Variants in NMNAT3 observed in about 807,000 individuals in gnomAD.
NMNAT3 encodes the protein nicotinamide/nicotinic acid mononucleotide adenylyltransferase 3.
NMNAT3 carries 21 observed loss-of-function variants against 24.8 expected under a neutral mutation model. The ratio of observed to expected loss-of-function variants is 0.85; its 90% CI spans 0.60 to 1.22. The LOEUF (loss-of-function observed/expected upper bound fraction) is 1.22. Among genes scored for constraint, NMNAT3 ranks in the 50% most tolerant of loss-of-function variants. NMNAT3 has a pLI of 0.00. For synonymous variants in NMNAT3, 136 were observed against 155.2 expected, an observed-to-expected ratio of 0.88 and a Z score of 0.92; for missense variants, 387 against 436.6, an observed-to-expected ratio of 0.89 and a Z score of 1.01.
intron 1 of NMNAT3, among the ~76,000 whole-genome samples, chr3:139,640,140 G>A (rs7634833): frequency 6.6e-6 from 1 of 152,100 alleles, no homozygotes; most frequent in African/African-American, 2.4e-5. Context: ...CATGCATAAG[G>A]GTCCTAGGAA....
chr3:139,577,338 G>T (rs1049325619), intron 5 of NMNAT3, among the ~76,000 whole-genome samples: 4 of 152,148 alleles, frequency 2.6e-5, no homozygotes, highest in African/African-American at 9.7e-5. Context: ...CATAAACCAG[G>T]TGTTTTGCCT....
chr3:139,633,093 C>G (rs951306987), intron 2 of NMNAT3, among the ~76,000 whole-genome samples: 1 of 152,114 alleles, frequency 6.6e-6, no homozygotes, highest in Non-Finnish European at 1.5e-5. Context: ...AATGACTGTC[C>G]CCAGGACCTC....
At chr3:139,677,612 G>C (rs1223380844) in intron 1 of NMNAT3, 93 bp downstream of exon 1, 1 of 152,010 alleles carries the variant, frequency 6.6e-6, no homozygotes, top group Non-Finnish European at 1.5e-5. Flanking sequence ...GGGACTCCCA[G>C]GACTCAGTTA....
intron 3 of NMNAT3, among the ~76,000 whole-genome samples, chr3:139,600,527 C>T (rs745533708): frequency 4.6e-5 from 7 of 151,996 alleles, no homozygotes; most frequent in South Asian, 2.1e-4. Flanking sequence ...AGGCTGGTCT[C>T]GAACTCCTGA....
chr3:139,640,191 G>A (rs1437707828), intron 1 of NMNAT3, among the ~76,000 whole-genome samples: 1 of 152,166 alleles, frequency 6.6e-6, no homozygotes, highest in African/African-American at 2.4e-5. Context: ...AGTATGGGTG[G>A]TGGATTCCAG....
At chr3:139,658,195 A>G (rs557295241) in intron 1 of NMNAT3, among the ~76,000 whole-genome samples, 9 of 152,200 alleles carry the variant, frequency 5.9e-5, no homozygotes, top group Non-Finnish European at 8.8e-5. Context: ...CTCCTTTCCC[A>G]GAGCTCACTG....
At chr3:139,651,775 C>G (rs1244567818) in intron 1 of NMNAT3, among the ~76,000 whole-genome samples, 3 of 152,128 alleles carry the variant, frequency 2.0e-5, no homozygotes, top group Non-Finnish European at 4.4e-5. Flanking sequence ...TAATTACTTC[C>G]CCTACCCTAT....
At chr3:139,630,653 T>G (rs973893783) in intron 2 of NMNAT3, among the ~76,000 whole-genome samples, 12 of 152,174 alleles carry the variant, frequency 7.9e-5, no homozygotes, top group African/African-American at 2.7e-4. Context: ...GGAGGGCATG[T>G]ACTCTGAGCT....
At chr3:139,588,223 C>A (rs111641030) in intron 3 of NMNAT3, among the ~76,000 whole-genome samples, 1 of 152,114 alleles carries the variant, frequency 6.6e-6, no homozygotes, top group South Asian at 2.1e-4. Flanking sequence ...CATTACAGCA[C>A]CTGTATGAAA....
intron 3 of NMNAT3, among the ~76,000 whole-genome samples, chr3:139,597,602 A>G (rs1006710134): frequency 2.6e-5 from 4 of 152,206 alleles, no homozygotes; most frequent in African/African-American, 9.7e-5. Context: ...TGTGCTAGAA[A>G]ATAGCTATGG....
Position 139,560,407 on chromosome 3 carries a change from G to C in NMNAT3, c.*603C>G, listed in dbSNP as rs574667525. On this transcript the variant is annotated 3_prime_UTR_variant, in exon 7 of 7. Coordinates refer to ENST00000643695, the MANE Select transcript of NMNAT3 (RefSeq NM_001320510.2). Reference sequence around the variant, plus strand: ...TTGCTTGAGGATCACTACGTAGAAAGAGTTTTGTTTAAATTTTATGAAAAG... The same window carrying C: ...TTGCTTGAGGATCACTACGTAGAAACAGTTTTGTTTAAATTTTATGAAAAG... 1 of 152,790 alleles carries C rather than the reference G, an allele frequency of 6.5e-6. No homozygotes were observed. Among genetic ancestry groups the C allele is most frequent in the Admixed American group, 6.5e-5 (1 of 15,314 alleles). The allele number at this position is 152,790 out of a possible 1,614,324, so 9.5% of individuals were successfully genotyped here. A position where few individuals can be genotyped will look rare whatever the true frequency, so the allele number is the denominator to read the frequency against.
chr3:139,635,886 T>G (rs775330568), intron 2 of NMNAT3: 11 of 152,224 alleles, frequency 7.2e-5, no homozygotes, highest in Non-Finnish European at 1.2e-4. Flanking sequence ...ATAGAAGTGT[T>G]AGGTCAGGCA....
intron 5 of NMNAT3, chr3:139,575,922 C>G (rs1939232090): frequency 7.8e-7 from 1 of 1,287,516 alleles, no homozygotes; most frequent in Admixed American, 2.3e-5. Flanking sequence ...CAGAGCTCCA[C>G]AGATGGGAGC....
chr3:139,675,399 C>T (rs1009328326), intron 1 of NMNAT3, among the ~76,000 whole-genome samples: 5 of 152,032 alleles, frequency 3.3e-5, no homozygotes, highest in African/African-American at 1.2e-4. Flanking sequence ...ACTCAGCCAT[C>T]AGTTAGAGAC....
chr3:139,624,829 T>C (rs1199868309), intron 3 of NMNAT3, among the ~76,000 whole-genome samples: 3 of 152,222 alleles, frequency 2.0e-5, no homozygotes, highest in South Asian at 2.1e-4. Flanking sequence ...TATTCTGTGA[T>C]GTAGGATGCA....
At chr3:139,562,070 C>T (rs1267995237) in intron 6 of NMNAT3, among the ~76,000 whole-genome samples, 1 of 152,124 alleles carries the variant, frequency 6.6e-6, no homozygotes, top group Non-Finnish European at 1.5e-5. Flanking sequence ...TGGGAGATTA[C>T]TGTGGGCACT....
At chr3:139,596,162 A>G (rs756449252) in intron 3 of NMNAT3, among the ~76,000 whole-genome samples, 13 of 152,136 alleles carry the variant, frequency 8.5e-5, no homozygotes, top group Admixed American at 3.3e-4. Flanking sequence ...AGAAAGGTCT[A>G]TCTGTCCCTT....
At chr3:139,674,147 C>T (rs1453678368) in intron 1 of NMNAT3, among the ~76,000 whole-genome samples, 1 of 152,212 alleles carries the variant, frequency 6.6e-6, no homozygotes, top group Non-Finnish European at 1.5e-5. Context: ...GTGCTGACTT[C>T]CAGATGCATG....
intron 3 of NMNAT3, among the ~76,000 whole-genome samples, chr3:139,625,372 CTATTT>C (rs1295519638): frequency 6.6e-6 from 1 of 152,018 alleles, no homozygotes; most frequent in African/African-American, 2.4e-5. Flanking sequence ...ATGTTGTTTT[CTATTT>C]GTCTCATCTG....
Sources: allele counts gnomAD v4.1 joint callset (sites outside exome capture counted in the v4.1 genomes callset), GRCh38; gene constraint gnomAD v4.1.1; transcripts MANE v1.5; gene names NCBI Gene and HGNC (gene_info 2026-07-23, HGNC 2026-07-21).